The following NME7 variants were observed in gnomAD, a reference collection of about 807,000 sequenced individuals.
NME7 encodes the protein NME/NM23 family member 7, also known as nucleoside diphosphate kinase 7.
Under a neutral mutation model 49.1 loss-of-function variants are expected in NME7, and 41 were observed. The ratio of observed to expected loss-of-function variants is 0.83; its 90% CI spans 0.65 to 1.08. The LOEUF (loss-of-function observed/expected upper bound fraction) is 1.08, where lower values mean the gene tolerates loss of function less well. NME7 is among the 50% of genes least tolerant of loss of function. The pLI, the probability that NME7 is intolerant of heterozygous loss-of-function variation, is 0.00. For missense variants in NME7, 423 were observed against 463.4 expected (o/e 0.91, Z 0.80); for synonymous variants, 139 against 150.6 (o/e 0.92, Z 0.56).
At chr1:169,347,181 C>T (rs1237370033) in intron 1 of NME7, among the ~76,000 whole-genome samples, 2 of 152,084 alleles carry the variant, frequency 1.3e-5, no homozygotes. Flanking sequence ...GCCTGACCGA[C>T]ACAGTGAGAC....
At chr1:169,333,649 T>A (rs946818454) in intron 1 of NME7, among the ~76,000 whole-genome samples, 3 of 151,350 alleles carry the variant, frequency 2.0e-5, no homozygotes, top group Admixed American at 2.0e-4. Context: ...ATTTAATATT[T>A]TAAAAAAAAA....
intron 11 of NME7, among the ~76,000 whole-genome samples, chr1:169,160,272 C>T (rs1659206069): frequency 6.6e-6 from 1 of 152,178 alleles, no homozygotes; most frequent in Non-Finnish European, 1.5e-5. Context: ...CCTCAATTAT[C>T]TTTCCTCATC....
chr1:169,223,036 T>C lies in NME7; in HGVS notation c.990+7682A>G, dbSNP rs1661192167. Among the ~76,000 whole-genome samples, 2 of 152,204 alleles carry C rather than the reference T, an allele frequency of 1.3e-5. 1 individual carries two copies. Among genetic ancestry groups the C allele is most frequent in the South Asian group, 4.1e-4 (2 of 4,832 alleles). On this transcript the variant is annotated intron_variant, in intron 10 of 11. Coordinates refer to ENST00000367811, the MANE Select transcript of NME7 (RefSeq NM_013330.5). ...CAAAGTATCCTGACTTGGAATCACA[T>C]GCTGCATTTAGATATCATGTCTCTT... is the stretch of plus-strand genomic sequence containing the variant.
chr1:169,359,238 A>T (rs1370821706), intron 1 of NME7, among the ~76,000 whole-genome samples: 1 of 152,042 alleles, frequency 6.6e-6, no homozygotes, highest in African/African-American at 2.4e-5. Flanking sequence ...AATACTTGTT[A>T]TAGTGCTTTG....
At chr1:169,148,220 C>G (rs1022370813) in intron 11 of NME7, among the ~76,000 whole-genome samples, 1 of 152,162 alleles carries the variant, frequency 6.6e-6, no homozygotes, top group African/African-American at 2.4e-5. Context: ...CCAGACTGGT[C>G]TCAAACTCCT....
chr1:169,251,799 G>A (rs1265955301), intron 7 of NME7, among the ~76,000 whole-genome samples: 2 of 147,782 alleles, frequency 1.4e-5, no homozygotes, highest in East Asian at 2.0e-4. Context: ...CTATGAGTGA[G>A]AATATGCAGT....
At chr1:169,318,869 T>C (rs989472222) in intron 3 of NME7, among the ~76,000 whole-genome samples, 24 of 151,582 alleles carry the variant, frequency 1.6e-4, no homozygotes, top group Non-Finnish European at 3.1e-4. Flanking sequence ...GCCAGAGAGA[T>C]AGAGATGGAA....
intron 1 of NME7, among the ~76,000 whole-genome samples, chr1:169,347,254 T>TA (rs1652983782): frequency 1.3e-5 from 2 of 152,160 alleles, no homozygotes; most frequent in East Asian, 3.9e-4. Flanking sequence ...GATAAATAGG[T>TA]AAACATGCCA....
chr1:169,302,084 A>C (rs530401089), intron 5 of NME7: 1 of 151,600 alleles, frequency 6.6e-6, no homozygotes, highest in Admixed American at 6.6e-5. Context: ...TTTTTAAAAA[A>C]AAAGTCAAAA....
At position 169,218,612 on chromosome 1, in the gene NME7, T is replaced by C. The variant is rs140996936; in HGVS notation, c.990+12106A>G. ...CAAACAAAGCAAAGCAAAGAAAAAA[T>C]AATAGTATTTCCTGTTAAGGCATTT... is the stretch of plus-strand genomic sequence containing the variant. On this transcript the variant is annotated intron_variant, in intron 10 of 11. Transcript: ENST00000367811. 1.7e-3 allele frequency among the ~76,000 whole-genome samples: 247 copies of C among 147,584 alleles called. 1 individual carries two copies. The highest frequency in any genetic ancestry group is 2.1e-3 in the Non-Finnish European group (144 of 67,058).
chr1:169,293,499 T>C (rs897586170), intron 6 of NME7, among the ~76,000 whole-genome samples: 6 of 152,156 alleles, frequency 3.9e-5, no homozygotes, highest in Non-Finnish European at 7.4e-5. Flanking sequence ...AACTTCTCAT[T>C]ATATTTGGGT....
rs535153523 is a variant in NME7, at chr1:169,259,804, T to G, written c.755-22117A>C. On this transcript the variant is annotated intron_variant, in intron 7 of 11. Transcript: ENST00000367811. ...TTTTCTGACCTCAAATTCAGGATAT[T>G]CTGAAGAATAACTTTTAAAAACGGA... Among the ~76,000 whole-genome samples, 10 of 134,526 alleles carry G rather than the reference T, an allele frequency of 7.4e-5. 3 individuals carry two copies. The South Asian group carries it at 2.3e-3, about 31-fold the overall frequency. The allele number at this position is 134,526 out of a possible 152,430, so 88.3% of individuals were successfully genotyped here. A position where few individuals can be genotyped will look rare whatever the true frequency, so the allele number is the denominator to read the frequency against.
chr1:169,218,550 A>G (rs1661042931), intron 10 of NME7, among the ~76,000 whole-genome samples: 1 of 152,148 alleles, frequency 6.6e-6, no homozygotes, highest in Non-Finnish European at 1.5e-5. Context: ...CCTGGGTGAT[A>G]GACCAAAACC....
rs574106617 is a variant in NME7, at chr1:169,276,556, C to A, written c.754+10747G>T. 1.5e-5 allele frequency among the ~76,000 whole-genome samples: 2 copies of A among 131,656 alleles called. 1 individual carries two copies. The highest frequency in any genetic ancestry group is 3.5e-5 in the Non-Finnish European group (2 of 56,404). 86.4% of individuals were successfully genotyped at this position (131,656 alleles called of 152,430 possible). On this transcript the variant is annotated intron_variant, in intron 7 of 11. Transcript: ENST00000367811. The stretch of plus-strand genomic sequence containing the variant: ...ATATCCCCTTTATCAGTTTTTATTG[C>A]GTCTATTAGATTCTTCTCTCTTTTT...
intron 11 of NME7, among the ~76,000 whole-genome samples, chr1:169,143,225 A>C (rs1571239595): frequency 6.8e-6 from 1 of 147,856 alleles, no homozygotes; most frequent in South Asian, 2.1e-4. Flanking sequence ...AAAATAGCCC[A>C]CAAAGCCCTG....
At chr1:169,271,203 A>G (rs567801234) in intron 7 of NME7, among the ~76,000 whole-genome samples, 1 of 133,644 alleles carries the variant, frequency 7.5e-6, no homozygotes, top group East Asian at 2.0e-4. Flanking sequence ...TAGATTAACT[A>G]TAGGTCTATG....
At chr1:169,168,874 T>G (rs1318266853) in intron 11 of NME7, 2 of 456,382 alleles carry the variant, frequency 4.4e-6, no homozygotes, top group Non-Finnish European at 8.8e-6. Context: ...TTTTTCAAAT[T>G]GTCACAAATC....
At chr1:169,337,919 A>G (rs1652543694) in intron 1 of NME7, among the ~76,000 whole-genome samples, 1 of 152,172 alleles carries the variant, frequency 6.6e-6, no homozygotes, top group East Asian at 1.9e-4. Context: ...GTGTGACCAT[A>G]ACCAGTTTTG....
intron 10 of NME7, among the ~76,000 whole-genome samples, chr1:169,229,252 A>C (rs926089952): frequency 6.6e-6 from 1 of 152,228 alleles, no homozygotes; most frequent in Non-Finnish European, 1.5e-5. Context: ...TTGTGCTTCC[A>C]GCTATGTATT....
Sources: gnomAD v4.1 joint callset for allele counts (sites outside exome capture counted in the v4.1 genomes callset) on GRCh38, gnomAD v4.1.1 for gene constraint, MANE v1.5 for transcripts, NCBI Gene and HGNC (gene_info 2026-07-23, HGNC 2026-07-21) for gene names.